Variants in CENPP observed in about 807,000 individuals in gnomAD.
CENPP encodes centromere protein P.
CENPP carries 24 observed loss-of-function variants against 35.6 expected under a neutral mutation model. The observed-to-expected ratio is 0.67, with a 90% confidence interval of 0.49 to 0.95. CENPP has a LOEUF of 0.95. Ranked by LOEUF, CENPP falls within the 40% of genes least tolerant of loss-of-function variation. The probability of loss-of-function intolerance (pLI) is 0.00; values close to 1 mark genes in which losing one functional copy is unlikely to be tolerated. For missense variants in CENPP, 332 were observed against 345.3 expected (o/e 0.96, Z 0.31); for synonymous variants, 120 against 125.5 (o/e 0.96, Z 0.29).
At chr9:92,569,772 G>C (rs2131352546) in intron 5 of CENPP, among the ~76,000 whole-genome samples, 1 of 152,240 alleles carries the variant, frequency 6.6e-6, no homozygotes, top group South Asian at 2.1e-4. Context: ...GTGGTTTGTA[G>C]TTCTCCTTGA....
At chr9:92,400,227 C>G (rs540682934) in intron 5 of CENPP, among the ~76,000 whole-genome samples, 4 of 152,098 alleles carry the variant, frequency 2.6e-5, no homozygotes, top group African/African-American at 7.2e-5. Context: ...CTCGGCTCAC[C>G]GCAACCTCCA....
intron 5 of CENPP, chr9:92,393,021 TTG>T (rs1842750849): frequency 2.3e-6 from 3 of 1,314,698 alleles, no homozygotes; most frequent in Admixed American, 2.1e-5. Context: ...ATATAGAAAC[TTG>T]TGTTTATATG....
At chr9:92,502,756 C>A in intron 5 of CENPP, 3 of 884,714 alleles carry the variant, frequency 3.4e-6, no homozygotes, top group Non-Finnish European at 4.8e-6. Context: ...TTAGTATTAT[C>A]TAAAGAGTCT....
chr9:92,611,574 C>A (rs1280474225), intron 6 of CENPP, among the ~76,000 whole-genome samples, 181 bp downstream of exon 6: 1 of 152,144 alleles, frequency 6.6e-6, no homozygotes, highest in African/African-American at 2.4e-5. Context: ...AGCTGGAGCT[C>A]TGGAGGATGT....
intron 2 of CENPP, among the ~76,000 whole-genome samples, chr9:92,333,293 C>G (rs1454329261): frequency 1.3e-5 from 2 of 152,150 alleles, no homozygotes; most frequent in African/African-American, 4.8e-5. Context: ...TCTTGGGCAG[C>G]CACTGCAGGG....
intron 5 of CENPP, among the ~76,000 whole-genome samples, chr9:92,520,336 G>A (rs1261517108): frequency 6.6e-6 from 1 of 152,090 alleles, no homozygotes; most frequent in Non-Finnish European, 1.5e-5. Context: ...CTCCAAGGAA[G>A]ATATGCAGAT....
intron 5 of CENPP, 29 bp downstream of exon 5, chr9:92,379,888 A>G (rs754467746): frequency 1.5e-6 from 2 of 1,363,200 alleles, no homozygotes; most frequent in Non-Finnish European, 2.1e-6. Context: ...GAATTTAAAC[A>G]TATATGGAAA....
chr9:92,473,035 G>C (rs1263003126), intron 5 of CENPP, among the ~76,000 whole-genome samples: 1 of 152,192 alleles, frequency 6.6e-6, no homozygotes, highest in Non-Finnish European at 1.5e-5. Context: ...GGGTGCAGCA[G>C]CATGCTGATG....
At chr9:92,493,469 A>C (rs535078914) in intron 5 of CENPP, 1 of 152,280 alleles carries the variant, frequency 6.6e-6, no homozygotes, top group African/African-American at 2.4e-5. Context: ...TGCTTATAAT[A>C]TTCTTATTGA....
chr9:92,425,606 C>G (rs1326978189), intron 5 of CENPP, among the ~76,000 whole-genome samples: 2 of 152,092 alleles, frequency 1.3e-5, no homozygotes, highest in African/African-American at 4.8e-5. Flanking sequence ...CATTTTGTTT[C>G]CTCAAAAAAG....
At chr9:92,401,745 G>A (rs1421444179) in intron 5 of CENPP, among the ~76,000 whole-genome samples, 1 of 152,102 alleles carries the variant, frequency 6.6e-6, no homozygotes, top group Non-Finnish European at 1.5e-5. Flanking sequence ...TACCCTGCTT[G>A]GGCCACTGGG....
chr9:92,573,006 A>G (rs1198752191), intron 5 of CENPP, among the ~76,000 whole-genome samples: 2 of 151,938 alleles, frequency 1.3e-5, no homozygotes, highest in African/African-American at 4.8e-5. Context: ...CTTTTTTTCA[A>G]GGTTTTTAGC....
intron 5 of CENPP, chr9:92,474,930 A>G (rs1250141636): frequency 6.4e-7 from 1 of 1,563,428 alleles, no homozygotes; most frequent in South Asian, 1.3e-5. Flanking sequence ...GTCTAGGACT[A>G]AACAGACATG....
Position 92,513,988 on chromosome 9 carries a change from TA to T in CENPP, c.565-97324del, listed in dbSNP as rs1166541421. Among the ~76,000 whole-genome samples, 10 of 152,354 alleles carry T rather than the reference TA, an allele frequency of 6.6e-5. No homozygotes were observed. In the East Asian group the frequency reaches 1.9e-3, roughly 29 times the overall value. ...GATTTGGAGGAGTTTGCTTTATACCTAACTGCTATTCTGCAGTAAACAGCTA... is the reference window on the plus strand; with the variant it reads ...GATTTGGAGGAGTTTGCTTTATACCTACTGCTATTCTGCAGTAAACAGCTA... On this transcript the variant is annotated intron_variant, in intron 5 of 7. Coordinates refer to ENST00000375587, the MANE Select transcript of CENPP (RefSeq NM_001012267.3).
chr9:92,418,366 C>A (rs1003469683), intron 5 of CENPP, among the ~76,000 whole-genome samples: 1 of 151,378 alleles, frequency 6.6e-6, no homozygotes, highest in African/African-American at 2.4e-5. Flanking sequence ...GGATTACAGG[C>A]GTGAGCCACT....
At chr9:92,512,652 G>A (rs540295955) in intron 5 of CENPP, among the ~76,000 whole-genome samples, 1 of 152,202 alleles carries the variant, frequency 6.6e-6, no homozygotes, top group South Asian at 2.1e-4. Flanking sequence ...ATGCCTCTAC[G>A]GCTTCAATCT....
chr9:92,456,909 A>G, intron 5 of CENPP: 1 of 1,003,614 alleles, frequency 1.0e-6, no homozygotes, highest in African/African-American at 1.7e-5. Context: ...AGCAAATGAA[A>G]GAGCACAAAT....
intron 4 of CENPP, among the ~76,000 whole-genome samples, chr9:92,356,861 C>G (rs537782446): frequency 3.3e-5 from 5 of 152,190 alleles, no homozygotes; most frequent in African/African-American, 9.7e-5. Flanking sequence ...GTTCCTCTGC[C>G]GCAGCTCCAG....
At chr9:92,493,984 G>T in intron 5 of CENPP, 1 of 1,180,920 alleles carries the variant, frequency 8.5e-7, no homozygotes, top group Non-Finnish European at 1.2e-6. Flanking sequence ...TCTCCTGGCG[G>T]CCCTCAGGCC....
Sources: allele counts gnomAD v4.1 joint callset (sites outside exome capture counted in the v4.1 genomes callset), GRCh38; gene constraint gnomAD v4.1.1; transcripts MANE v1.5; gene names NCBI Gene and HGNC (gene_info 2026-07-23, HGNC 2026-07-21).